Variants in LRSAM1 observed in about 807,000 individuals in gnomAD.
LRSAM1 encodes leucine rich repeat and sterile alpha motif containing 1, also known as E3 ubiquitin-protein ligase LRSAM1.
LRSAM1 carries 96 observed loss-of-function variants against 118.1 expected under a neutral mutation model. That is an observed-to-expected ratio of 0.81 (90% confidence interval 0.69 to 0.96). LRSAM1 has a LOEUF of 0.96. Among genes scored for constraint, LRSAM1 ranks in the 40% least tolerant of loss-of-function variants. The pLI is 0.00. For synonymous variants in LRSAM1, 322 were observed against 364.2 expected, an observed-to-expected ratio of 0.88 and a Z score of 1.32; for missense variants, 804 against 915.5, an observed-to-expected ratio of 0.88 and a Z score of 1.57.
intron 10 of LRSAM1, 113 bp downstream of exon 10, chr9:127,467,943 C>A: frequency 9.8e-7 from 1 of 1,023,704 alleles, no homozygotes; most frequent in Non-Finnish European, 1.5e-6. Context: ...CAGTGCCTAC[C>A]TGCTTGGAGT....
intron 21 of LRSAM1, among the ~76,000 whole-genome samples, chr9:127,494,262 AAGG>A (rs1836040018): frequency 6.6e-6 from 1 of 152,242 alleles, no homozygotes; most frequent in Admixed American, 6.5e-5. Context: ...GGGGCCCGCA[AAGG>A]GCAGTCAGGC....
At chr9:127,471,766 G>A (rs982410716) in intron 10 of LRSAM1, among the ~76,000 whole-genome samples, 6 of 151,432 alleles carry the variant, frequency 4.0e-5, no homozygotes, top group Non-Finnish European at 5.9e-5. Flanking sequence ...CAGCCTGGGC[G>A]ACAGAGCAAG....
At chr9:127,458,529 G>A (rs1035810068) in intron 6 of LRSAM1, among the ~76,000 whole-genome samples, 1 of 152,140 alleles carries the variant, frequency 6.6e-6, no homozygotes, top group Non-Finnish European at 1.5e-5. Flanking sequence ...GCAGTGAGCT[G>A]AGGTCGTGCC....
At chr9:127,477,907 G>A (rs1009091914) in intron 11 of LRSAM1, among the ~76,000 whole-genome samples, 1 of 151,962 alleles carries the variant, frequency 6.6e-6, no homozygotes, top group Non-Finnish European at 1.5e-5. Flanking sequence ...AAATCAGCCG[G>A]GTGTGGTGGT....
intron 15 of LRSAM1, among the ~76,000 whole-genome samples, chr9:127,482,331 T>C (rs1835573239): frequency 6.6e-6 from 1 of 151,958 alleles, no homozygotes; most frequent in African/African-American, 2.4e-5. Context: ...TTAGTAGAGA[T>C]GGAGTTTCAC....
At position 127,503,167 on chromosome 9, in the gene LRSAM1, C is replaced by G; in HGVS notation, c.*268C>G. On this transcript the variant is annotated 3_prime_UTR_variant, in exon 26 of 26. Transcript: ENST00000300417. ...ACCACCACCCGAGCCTGGGAGCCAG[C>G]GTCCCAGCCTAATCACGGATCTGCT... 1 of 510,234 alleles carries G rather than the reference C, an allele frequency of 2.0e-6. No individual in the cohort carries two copies. The highest frequency in any genetic ancestry group is 3.6e-6 in the Non-Finnish European group (1 of 279,782). 31.6% of individuals were successfully genotyped at this position (510,234 alleles called of 1,614,324 possible).
chr9:127,493,741 A>T (rs1186299585), intron 21 of LRSAM1, among the ~76,000 whole-genome samples: 1 of 152,152 alleles, frequency 6.6e-6, no homozygotes, highest in Non-Finnish European at 1.5e-5. Context: ...TGACACTGGC[A>T]CATTTTCAGC....
Position 127,495,362 on chromosome 9 carries a change from T to A in LRSAM1, c.1642T>A (p.Trp548Arg), listed in dbSNP as rs1156435895. The stretch of plus-strand genomic sequence containing the variant: ...AAGTGAAACCAGGCAGGAAAATTAC[T>A]GGCTGATTCAGTATCAACGGCTTTT... ...AKSETRQENY[W>R]LIQYQRLLNQ... Residue 548 changes from tryptophan (W) to arginine (R), a missense_variant, in exon 22 of 26, where the codon TGG (tryptophan) becomes AGG (arginine). Transcript: ENST00000300417. The A allele has an allele frequency of 2.5e-6, 4 of 1,614,104 alleles. No homozygotes were observed. Among genetic ancestry groups the A allele is most frequent in the Non-Finnish European group, 3.4e-6 (4 of 1,180,016 alleles).
chr9:127,486,949 G>A (rs555334757), intron 17 of LRSAM1, among the ~76,000 whole-genome samples: 1 of 152,212 alleles, frequency 6.6e-6, no homozygotes, highest in Non-Finnish European at 1.5e-5. Flanking sequence ...TTGGGAGGCC[G>A]AGGTGGGTGG....
Position 127,501,304 on chromosome 9 carries a change from G to A in LRSAM1, c.2046+161G>A, listed in dbSNP as rs1216002047. On this transcript the variant is annotated intron_variant, in intron 25 of 25. Coordinates refer to ENST00000300417, the MANE Select transcript of LRSAM1 (RefSeq NM_001005373.4). ...AAATAAAGATGACCCCTGGTCCCAT[G>A]ACCCAAATATGAGCTGCGCTCACAT... Among the ~76,000 whole-genome samples, 3 of 152,024 alleles carry A rather than the reference G, an allele frequency of 2.0e-5. 1 individual carries two copies. The highest frequency in any genetic ancestry group is 7.3e-5 in the African/African-American group (3 of 41,376).
rs772281232 is a variant in LRSAM1, at chr9:127,501,035, C to T, written c.1938C>T (p.Val646=). Residue 646 remains valine (V), a synonymous_variant, in exon 25 of 26, where the codon GTC becomes GTT. Coordinates refer to ENST00000300417, the MANE Select transcript of LRSAM1 (RefSeq NM_001005373.4). ...AGCTGAAACCACCAATGGGTGAGGT[C>T]GTCACCCCTACGGCCCCCCAGGAGC... ...QPELKPPMGE[V]VTPTAPQEPP... is the part of the protein sequence containing the mutation. 4.3e-6 allele frequency: 7 copies of T among 1,613,958 alleles called. No homozygotes were observed. Among genetic ancestry groups the T allele is most frequent in the Non-Finnish European group, 5.9e-6 (7 of 1,180,014 alleles).
At chr9:127,495,868 G>A in intron 22 of LRSAM1, 96 bp from the exon 23 acceptor site, 1 of 1,524,514 alleles carries the variant, frequency 6.6e-7, no homozygotes, top group African/African-American at 1.4e-5. Context: ...TACATTCTAT[G>A]TATTATGTTA....
intron 11 of LRSAM1, among the ~76,000 whole-genome samples, chr9:127,477,094 A>G (rs562094537): frequency 1.8e-4 from 28 of 152,206 alleles, no homozygotes; most frequent in African/African-American, 6.5e-4. Flanking sequence ...ATACTTGATT[A>G]AAAAAATGTT....
Position 127,502,841 on chromosome 9 carries a change from C to A in LRSAM1, c.2114C>A (p.Thr705Asn). Residue 705 changes from threonine (T) to asparagine (N), a missense_variant, in exon 26 of 26, where the codon ACC becomes AAC. Thr to Asn is a moderately conservative substitution (Grantham distance 65, BLOSUM62 0). Coordinates refer to ENST00000300417, the MANE Select transcript of LRSAM1 (RefSeq NM_001005373.4). ...CAGCAGTGCTGCCAGCCACTGCGCA[C>A]CTGCCCGCTGTGCCGCCAGGACATC... The part of the protein sequence containing the change: ...CCQQCCQPLR[T>N]CPLCRQDIAQ... 6.2e-7 allele frequency: 1 copy of A among 1,612,260 alleles called. No individual in the cohort carries two copies. The highest frequency in any genetic ancestry group is 8.5e-7 in the Non-Finnish European group (1 of 1,179,678).
chr9:127,497,354 C>G lies in LRSAM1; in HGVS notation c.1912+20C>G. 6.2e-7 allele frequency: 1 copy of G among 1,608,098 alleles called. No individual in the cohort carries two copies. Among genetic ancestry groups the G allele is most frequent in the East Asian group, 2.2e-5 (1 of 44,872 alleles). ...AGCCAGGTACAAGCACAGCTCCAGC[C>G]TCTTCCAGGCAGGGCTCCAGCCGTA... On this transcript the variant is annotated intron_variant, in intron 24 of 25. Transcript: ENST00000300417.
intron 24 of LRSAM1, among the ~76,000 whole-genome samples, chr9:127,498,859 G>A (rs952061320): frequency 2.0e-5 from 3 of 151,974 alleles, no homozygotes; most frequent in African/African-American, 7.2e-5. Context: ...AGGAGTTCGA[G>A]ACCAGCCTGG....
Position 127,465,649 on chromosome 9 carries a change from G to T in LRSAM1, c.529-2091G>T, listed in dbSNP as rs1834898081. ...CTCAACACCCACCGTGTGAGGGCTG[G>T]GCTGGCCAGGGCTGGGGGACCTGAG... On this transcript the variant is annotated intron_variant, in intron 9 of 25. Transcript: ENST00000300417. This position sits in a 1 kb window ranked among gnomAD's most constrained non-coding sequence, Gnocchi z 4.1. 6.6e-6 allele frequency among the ~76,000 whole-genome samples: 1 copy of T among 152,206 alleles called. No individual in the cohort carries two copies. Among genetic ancestry groups the T allele is most frequent in the African/African-American group, 2.4e-5 (1 of 41,444 alleles).
At chr9:127,459,216 GGTT>G in intron 7 of LRSAM1, 145 bp downstream of exon 7, 1 of 712,968 alleles carries the variant, frequency 1.4e-6, no homozygotes, top group African/African-American at 1.9e-5. Context: ...GGCCCTTTGG[GGTT>G]TTTTTTTTTT....
At position 127,492,717 on chromosome 9, in the gene LRSAM1, G is replaced by A. The variant is rs1208688888; in HGVS notation, c.1504-85G>A. The A allele has an allele frequency of 9.5e-6, 12 of 1,265,450 alleles. No individual in the cohort carries two copies. In the African/African-American group the frequency reaches 1.6e-4, roughly 17 times the overall value. The allele number at this position is 1,265,450 out of a possible 1,614,324, so 78.4% of individuals were successfully genotyped here. On this transcript the variant is annotated intron_variant, in intron 20 of 25. Transcript: ENST00000300417. The stretch of plus-strand genomic sequence containing the variant: ...TGGGCAGAGAACCGAGTGAGCGGGA[G>A]GCCAGGCCCTTCTCCATCCTGCCAC...
Sources: allele counts gnomAD v4.1 joint callset (sites outside exome capture counted in the v4.1 genomes callset), GRCh38; gene constraint gnomAD v4.1.1; non-coding constraint Gnocchi (gnomAD v3.1); transcripts MANE v1.5; gene names NCBI Gene and HGNC (gene_info 2026-07-23, HGNC 2026-07-21).